VCAN: variants seen among roughly 807,000 people sequenced by gnomAD.
The protein encoded by VCAN is versican core protein.
In VCAN, 44 loss-of-function variants were observed where a neutral mutation model predicts 245.5. That is an observed-to-expected ratio of 0.18 (90% CI 0.14 to 0.23). The LOEUF is 0.23. Ranked by LOEUF, VCAN falls within the 10% of genes least tolerant of loss-of-function variation. The pLI, the probability that VCAN is intolerant of heterozygous loss-of-function variation, is 1.00. For synonymous variants in VCAN, 1,413 were observed against 1,437.0 expected (o/e 0.98, Z 0.38); for missense variants, 3,793 against 4,057.9 (o/e 0.93, Z 1.77).
intron 1 of VCAN, among the ~76,000 whole-genome samples, chr5:83,482,522 G>A (rs1451439614): frequency 2.0e-5 from 3 of 152,220 alleles, no homozygotes; most frequent in African/African-American, 4.8e-5. Flanking sequence ...CCAGAGTTGT[G>A]TTAGAAAGGA....
rs186214606 is a variant in VCAN, at chr5:83,519,498, G to A, written c.1192G>A (p.Val398Met). The change falls in exon 7 of 15, where the codon GTG becomes ATG. Residue 398 changes from valine (V) to methionine (M), a missense_variant. Physicochemically the swap from Val to Met is conservative, Grantham distance 21 (BLOSUM62 1). Coordinates refer to ENST00000265077, the MANE Select transcript of VCAN (RefSeq NM_004385.5). Reference protein sequence around the residue: ...LPVIPTEFPPVGNIVSFEQKA... With the variant: ...LPVIPTEFPPMGNIVSFEQKA... ...TGTCATTCCAACAGAGTTCCCTCCCGTGGGAAATATTGTCAGTTTTGAACA... is the reference window on the plus strand; with the variant it reads ...TGTCATTCCAACAGAGTTCCCTCCCATGGGAAATATTGTCAGTTTTGAACA... 1.4e-4 allele frequency: 224 copies of A among 1,614,022 alleles called. 3 individuals are homozygous for A. In the East Asian group the frequency reaches 2.3e-3, roughly 16 times the overall value.
intron 5 of VCAN, among the ~76,000 whole-genome samples, chr5:83,507,646 G>A (rs79663872): frequency 2.2e-4 from 34 of 152,266 alleles, no homozygotes; most frequent in African/African-American, 7.9e-4. Context: ...ATTTGGCTTT[G>A]CCTCTAGGCA....
At chr5:83,546,050 T>C (rs545193385) in intron 9 of VCAN, among the ~76,000 whole-genome samples, 1 of 152,252 alleles carries the variant, frequency 6.6e-6, no homozygotes, top group East Asian at 1.9e-4. Context: ...GAGAGCTTTG[T>C]CCTTAGTTTT....
At chr5:83,511,604 AC>A (rs1442321352) in intron 5 of VCAN, among the ~76,000 whole-genome samples, 1 of 150,540 alleles carries the variant, frequency 6.6e-6, no homozygotes, top group Non-Finnish European at 1.5e-5. Flanking sequence ...GCGTTAATCC[AC>A]TTTGTCGGTA....
At chr5:83,501,568 C>T (rs367956986) in intron 5 of VCAN, among the ~76,000 whole-genome samples, 5 of 152,212 alleles carry the variant, frequency 3.3e-5, no homozygotes, top group Middle Eastern at 3.4e-3. Flanking sequence ...ATTTAATGAC[C>T]TTGGCACCCT....
At chr5:83,516,156 C>A (rs561715749) in intron 6 of VCAN, among the ~76,000 whole-genome samples, 49 of 152,220 alleles carry the variant, frequency 3.2e-4, no homozygotes, top group African/African-American at 1.2e-3. Context: ...CTAACCCTAT[C>A]CCTAGCCTGT....
intron 8 of VCAN, among the ~76,000 whole-genome samples, chr5:83,544,182 C>A (rs1415278346): frequency 6.6e-6 from 1 of 152,208 alleles, no homozygotes; most frequent in Non-Finnish European, 1.5e-5. Context: ...AGCGAGCGTA[C>A]TTGTACTTTA....
intron 12 of VCAN, among the ~76,000 whole-genome samples, chr5:83,571,471 A>G (rs544446377): frequency 1.3e-5 from 2 of 152,308 alleles, no homozygotes; most frequent in East Asian, 1.9e-4. Context: ...AAAGGGCTTC[A>G]TCTATTATAG....
chr5:83,507,266 C>T (rs192894343), intron 5 of VCAN, among the ~76,000 whole-genome samples: 30 of 152,228 alleles, frequency 2.0e-4, no homozygotes, highest in African/African-American at 6.5e-4. Context: ...GCTTGTTTTC[C>T]AGGAAAGCAA....
intron 11 of VCAN, among the ~76,000 whole-genome samples, chr5:83,554,287 G>A (rs1237292483): frequency 1.3e-5 from 2 of 152,200 alleles, no homozygotes; most frequent in African/African-American, 4.8e-5. Flanking sequence ...ATAGGCGTGA[G>A]CCACCATTCC....
intron 12 of VCAN, among the ~76,000 whole-genome samples, chr5:83,560,810 G>A (rs766868202): frequency 5.9e-5 from 9 of 152,016 alleles, no homozygotes; most frequent in Non-Finnish European, 7.4e-5. Context: ...CTCACGAGGC[G>A]ATTCTCTGGG....
rs1748615548 is a variant in VCAN, at chr5:83,580,097, A to G, written c.9998A>G (p.His3333Arg). The change falls in exon 14 of 15, where the codon CAC (histidine) becomes CGC (arginine). Residue 3333 changes from histidine (H) to arginine (R), a missense_variant. Coordinates refer to ENST00000265077, the MANE Select transcript of VCAN (RefSeq NM_004385.5). ...TGCAAAGATGGTTTCATTCAACGTC[A>G]CCTTCCAACTATCCGGTGCTTAGGA... ...YHCKDGFIQR[H>R]LPTIRCLGNG... 6.2e-7 allele frequency: 1 copy of G among 1,613,938 alleles called. No individual in the cohort carries two copies. The highest frequency in any genetic ancestry group is 8.5e-7 in the Non-Finnish European group (1 of 1,180,010).
intron 2 of VCAN, among the ~76,000 whole-genome samples, chr5:83,488,509 G>A (rs1580600878): frequency 6.6e-6 from 1 of 152,168 alleles, no homozygotes; most frequent in Non-Finnish European, 1.5e-5. Flanking sequence ...AGGATCCTTT[G>A]TAAGGAATTC....
intron 1 of VCAN, among the ~76,000 whole-genome samples, chr5:83,475,726 C>G (rs1744364528): frequency 6.6e-6 from 1 of 152,108 alleles, no homozygotes; most frequent in Non-Finnish European, 1.5e-5. Context: ...CCAATGGATT[C>G]CAATGTGATT....
intron 11 of VCAN, 47 bp from the exon 12 acceptor site, chr5:83,554,909 T>C (rs371796781): frequency 3.9e-6 from 6 of 1,541,652 alleles, no homozygotes; most frequent in Admixed American, 1.7e-5. Flanking sequence ...TTTTCATCCA[T>C]ATATGGAAAA....
At chr5:83,526,084 C>T (rs987512424) in intron 7 of VCAN, among the ~76,000 whole-genome samples, 13 of 146,694 alleles carry the variant, frequency 8.9e-5, no homozygotes, top group African/African-American at 2.5e-4. Context: ...GGATTACAGG[C>T]GCCTGCCACC....
At chr5:83,483,460 C>T (rs1744681916) in intron 1 of VCAN, 53 bp from the exon 2 acceptor site, 5 of 1,446,002 alleles carry the variant, frequency 3.5e-6, no homozygotes, top group East Asian at 2.3e-5. Context: ...GATTTATGAC[C>T]CACTTTAAAC....
intron 12 of VCAN, among the ~76,000 whole-genome samples, chr5:83,567,075 A>G (rs1029893895): frequency 5.3e-5 from 8 of 152,168 alleles, no homozygotes; most frequent in Admixed American, 3.3e-4. Flanking sequence ...ACAATAACTG[A>G]AAAGTGACTG....
rs1746938890 is a variant in VCAN at position 83,540,693 on chromosome 5, C to T, written c.7690C>T (p.Leu2564Phe). The change falls in exon 8 of 15, where the codon CTT (leucine) becomes TTT (phenylalanine). Residue 2564 changes from leucine (L) to phenylalanine (F), a missense_variant. Physicochemically the swap from Leu to Phe is conservative, Grantham distance 22. Coordinates refer to ENST00000265077, the MANE Select transcript of VCAN (RefSeq NM_004385.5). ...ATTGACAATTACAGAGAGTACCATC[C>T]TTGAAATTCTACCTGAGCTGACATC... is the stretch of plus-strand genomic sequence containing the variant. ...LILTITESTILEILPELTSDK... is the reference protein window; with the variant it reads ...LILTITESTIFEILPELTSDK... The T allele has an allele frequency of 5.6e-6, 9 of 1,613,902 alleles. No homozygotes were observed. Among genetic ancestry groups the T allele is most frequent in the Non-Finnish European group, 7.6e-6 (9 of 1,179,942 alleles).
Sources: allele counts gnomAD v4.1 joint callset (sites outside exome capture counted in the v4.1 genomes callset), GRCh38; gene constraint gnomAD v4.1.1; transcripts MANE v1.5; gene names NCBI Gene and HGNC (gene_info 2026-07-23, HGNC 2026-07-21).